The following FNDC3B variants were observed in gnomAD, a reference collection of about 807,000 sequenced individuals.
The protein encoded by FNDC3B is fibronectin type III domain containing 3B.
In FNDC3B, 12 loss-of-function variants were observed where a neutral mutation model predicts 151.5. That is an observed-to-expected ratio of 0.08 (90% CI 0.05 to 0.13). The LOEUF (loss-of-function observed/expected upper bound fraction) is 0.13, where lower values mean the gene tolerates loss of function less well. Among genes scored for constraint, FNDC3B ranks in the 10% least tolerant of loss-of-function variants. The pLI is 1.00. For synonymous variants in FNDC3B, 528 were observed against 549.0 expected (o/e 0.96, Z 0.54); for missense variants, 1,214 against 1,505.3 (o/e 0.81, Z 3.20).
In FNDC3B at chr3:172,247,762, T is replaced by C. The variant is rs778699186; in HGVS notation, c.494T>C (p.Ile165Thr). 26 of 1,613,898 alleles carry C rather than the reference T, an allele frequency of 1.6e-5. No homozygotes were observed. Among genetic ancestry groups the C allele is most frequent in the Admixed American group, 1.7e-5 (1 of 59,978 alleles). The change falls in exon 5 of 26, where the codon ATA becomes ACA. Residue 165 changes from isoleucine to threonine, a missense_variant. By Grantham distance (89) the Ile-to-Thr change is moderately conservative. Coordinates refer to ENST00000415807, the MANE Select transcript of FNDC3B (RefSeq NM_022763.4). ...CCCCAGCATCATCTTCCCCACACAATATATGGTGAGCAAGGTGAGTAGATT... is the reference window on the plus strand; with the variant it reads ...CCCCAGCATCATCTTCCCCACACAACATATGGTGAGCAAGGTGAGTAGATT... ...FFPQHHLPHTIYGEQEIIPFY... is the reference protein window; with the variant it reads ...FFPQHHLPHTTYGEQEIIPFY...
At chr3:172,288,822 G>A (rs1296674660) in intron 7 of FNDC3B, among the ~76,000 whole-genome samples, 2 of 152,172 alleles carry the variant, frequency 1.3e-5, no homozygotes. Flanking sequence ...CCAACATGTG[G>A]GTGGTGGTTG....
intron 1 of FNDC3B, among the ~76,000 whole-genome samples, chr3:172,101,569 A>G (rs912141423): frequency 6.6e-6 from 1 of 152,132 alleles, no homozygotes; most frequent in Non-Finnish European, 1.5e-5. Context: ...GAATATTGTT[A>G]TTATTAAAGG....
intron 3 of FNDC3B, among the ~76,000 whole-genome samples, chr3:172,147,451 C>T (rs1469248846): frequency 6.6e-6 from 1 of 152,192 alleles, no homozygotes; most frequent in Non-Finnish European, 1.5e-5. Context: ...CTCTTTGTTC[C>T]CTTCCTAATC....
intron 6 of FNDC3B, among the ~76,000 whole-genome samples, chr3:172,265,327 A>C (rs2108796080): frequency 6.6e-6 from 1 of 152,316 alleles, no homozygotes; most frequent in Non-Finnish European, 1.5e-5. Context: ...AAATACAGTA[A>C]AATGTTTAGG....
chr3:172,065,125 A>T (rs965234424), intron 1 of FNDC3B, among the ~76,000 whole-genome samples: 3 of 152,166 alleles, frequency 2.0e-5, no homozygotes, highest in African/African-American at 7.2e-5. Flanking sequence ...TGAGGTCAGG[A>T]GTTCGAGACC....
chr3:172,163,679 A>G (rs925514089), intron 3 of FNDC3B, among the ~76,000 whole-genome samples: 3 of 151,942 alleles, frequency 2.0e-5, no homozygotes, highest in Admixed American at 6.6e-5. Flanking sequence ...CTTTTTTGCT[A>G]CTGTGTAGTT....
At chr3:172,145,677 C>G (rs927241073) in intron 3 of FNDC3B, among the ~76,000 whole-genome samples, 11 of 152,162 alleles carry the variant, frequency 7.2e-5, no homozygotes, top group African/African-American at 2.7e-4. Flanking sequence ...TTCATTGGGA[C>G]GTAACTCGGT....
At chr3:172,368,441 C>T (rs1486350584) in intron 23 of FNDC3B, among the ~76,000 whole-genome samples, 13 of 152,112 alleles carry the variant, frequency 8.5e-5, no homozygotes, top group Non-Finnish European at 1.9e-4. Flanking sequence ...CCTTAAGAAA[C>T]CCTCAGGATT....
intron 4 of FNDC3B, among the ~76,000 whole-genome samples, chr3:172,240,019 C>T (rs936525503): frequency 2.0e-5 from 3 of 151,834 alleles, no homozygotes. Flanking sequence ...CAGGCTCCCG[C>T]CACCATGCCT....
chr3:172,151,395 C>A (rs1205545493), intron 3 of FNDC3B, among the ~76,000 whole-genome samples: 1 of 152,186 alleles, frequency 6.6e-6, no homozygotes, highest in Non-Finnish European at 1.5e-5. Flanking sequence ...AAATGTGCTT[C>A]TAACTTTATA....
At chr3:172,374,635 C>T (rs1279191190) in intron 23 of FNDC3B, among the ~76,000 whole-genome samples, 4 of 152,090 alleles carry the variant, frequency 2.6e-5, no homozygotes, top group Admixed American at 6.5e-5. Context: ...CCTTGTGATC[C>T]GCCCGCCTCG....
chr3:172,110,618 A>G (rs1719910331), intron 1 of FNDC3B, among the ~76,000 whole-genome samples: 2 of 151,776 alleles, frequency 1.3e-5, no homozygotes, highest in African/African-American at 4.8e-5. Context: ...TATGCCAAGC[A>G]GGAGAGGGCT....
intron 23 of FNDC3B, among the ~76,000 whole-genome samples, chr3:172,372,467 A>G (rs1734928831): frequency 6.6e-6 from 1 of 152,238 alleles, no homozygotes; most frequent in Admixed American, 6.5e-5. Flanking sequence ...GAACCGCTAT[A>G]TATACATTAT....
At chr3:172,190,889 G>A (rs1273449044) in intron 3 of FNDC3B, among the ~76,000 whole-genome samples, 5 of 152,238 alleles carry the variant, frequency 3.3e-5, no homozygotes, top group South Asian at 2.1e-4. Context: ...GGCTGGTCTC[G>A]AATTCCTGAC....
chr3:172,209,830 C>T (rs994978125), intron 3 of FNDC3B, among the ~76,000 whole-genome samples: 14 of 152,250 alleles, frequency 9.2e-5, no homozygotes, highest in Non-Finnish European at 1.6e-4. Context: ...CCTGCAGGCC[C>T]GCACTGAACT....
chr3:172,112,504 G>A lies in FNDC3B; in HGVS notation c.25G>A (p.Asp9Asn), dbSNP rs780399563. The A allele has an allele frequency of 7.4e-6, 12 of 1,613,900 alleles. No homozygotes were observed. Among genetic ancestry groups the A allele is most frequent in the South Asian group, 1.1e-5 (1 of 91,078 alleles). Reference protein sequence around the residue: MYVTMMMTDQIPLELPPLL... With the variant: MYVTMMMTNQIPLELPPLL... ...AATGTACGTCACAATGATGATGACCGACCAAATCCCTCTGGAACTGCCACC... is the reference window on the plus strand; with the variant it reads ...AATGTACGTCACAATGATGATGACCAACCAAATCCCTCTGGAACTGCCACC... Residue 9 changes from aspartate to asparagine, a missense_variant, in exon 2 of 26, where the codon GAC (aspartate) becomes AAC (asparagine). Transcript: ENST00000415807.
At chr3:172,192,917 C>T (rs116510390) in intron 3 of FNDC3B, among the ~76,000 whole-genome samples, 1,670 of 152,112 alleles carry the variant, frequency 0.011, 28 homozygotes, top group African/African-American at 0.038. Flanking sequence ...TTTGTCAAAA[C>T]TCAAACTCGG....
At chr3:172,065,217 A>AGGCATGCCGG (rs1264140787) in intron 1 of FNDC3B, among the ~76,000 whole-genome samples, 2 of 152,214 alleles carry the variant, frequency 1.3e-5, no homozygotes, top group East Asian at 3.8e-4. Context: ...CTGTAGTCCC[A>AGGCATGCCGG]GCTACTCAGG....
At chr3:172,181,105 T>TTTGACATTTTAAA (rs373397363) in intron 3 of FNDC3B, among the ~76,000 whole-genome samples, 124,700 of 151,972 alleles carry the variant, frequency 0.82, 51,797 homozygotes, top group African/African-American at 0.95. Context: ...AGATATATTC[T>TTTGACATTTTAAA]AAGATGACAG....
Sources: allele counts gnomAD v4.1 joint callset (sites outside exome capture counted in the v4.1 genomes callset), GRCh38; gene constraint gnomAD v4.1.1; transcripts MANE v1.5; gene names NCBI Gene and HGNC (gene_info 2026-07-23, HGNC 2026-07-21).